ARHGAP29: variants seen among roughly 807,000 people sequenced by gnomAD.
ARHGAP29 encodes the protein rho GTPase-activating protein 29.
ARHGAP29 carries 43 observed loss-of-function variants against 122.6 expected under a neutral mutation model. That is an observed-to-expected ratio of 0.35 (90% CI 0.27 to 0.45). The LOEUF is 0.45. Ranked by LOEUF, ARHGAP29 falls within the 20% of genes least tolerant of loss-of-function variation. The pLI, the probability that ARHGAP29 is intolerant of heterozygous loss-of-function variation, is 1.00. For missense variants in ARHGAP29, 1,303 were observed against 1,477.2 expected (o/e 0.88, Z 1.93); for synonymous variants, 506 against 497.1 (o/e 1.02, Z -0.24).
chr1:94,258,924 C>T (rs1654461164), intron 1 of ARHGAP29, among the ~76,000 whole-genome samples: 1 of 152,220 alleles, frequency 6.6e-6, no homozygotes. Context: ...CTGCTTCCCA[C>T]TGTAGAGAGA....
At chr1:94,255,874 G>A (rs1398377845) in intron 1 of ARHGAP29, among the ~76,000 whole-genome samples, 1 of 152,128 alleles carries the variant, frequency 6.6e-6, no homozygotes, top group Non-Finnish European at 1.5e-5. Context: ...AATTGGTATT[G>A]GTGGTTAGTT....
intron 16 of ARHGAP29, 96 bp downstream of exon 16, chr1:94,186,403 A>C: frequency 1.2e-6 from 1 of 856,644 alleles, no homozygotes; most frequent in Admixed American, 2.7e-5. Flanking sequence ...TACACAAAAA[A>C]GTATTGATTC....
chr1:94,241,667 TTA>T (rs1399262927), upstream of ARHGAP29, among the ~76,000 whole-genome samples: 1 of 143,030 alleles, frequency 7.0e-6, no homozygotes, highest in African/African-American at 2.6e-5. Context: ...ATATATATAA[TTA>T]TATATGATAT....
chr1:94,237,366 G>A, intron 1 of ARHGAP29, 49 bp downstream of exon 1: 3 of 981,746 alleles, frequency 3.1e-6, no homozygotes, highest in Non-Finnish European at 3.6e-6. Context: ...ACCCCAGCCC[G>A]GAGCCACGAC....
chr1:94,173,505 T>C lies in ARHGAP29; in HGVS notation c.*364A>G, dbSNP rs894572694. On this transcript the variant is annotated 3_prime_UTR_variant, in exon 23 of 23. Transcript: ENST00000260526. ...CTTATAACAGTTCCACTCCAAAAAA[T>C]AAACCTGATTTTCCCAAATTGCACC... 5.8e-6 allele frequency: 1 copy of C among 173,482 alleles called. No homozygotes were observed. The highest frequency in any genetic ancestry group is 1.3e-5 in the Non-Finnish European group (1 of 79,942). The allele number at this position is 173,482 out of a possible 1,614,324, so 10.7% of individuals were successfully genotyped here. A position where few individuals can be genotyped will look rare whatever the true frequency, so the allele number is the denominator to read the frequency against.
At chr1:94,228,718 A>G (rs1652759202) in intron 2 of ARHGAP29, among the ~76,000 whole-genome samples, 2 of 151,800 alleles carry the variant, frequency 1.3e-5, no homozygotes, top group African/African-American at 2.4e-5. Context: ...GCCATATACA[A>G]TTATACATCA....
In ARHGAP29 at chr1:94,170,173, C is replaced by T. The variant is rs904813882; in HGVS notation, c.*3696G>A. On this transcript the variant is annotated 3_prime_UTR_variant, in exon 23 of 23. Transcript: ENST00000260526. ...AAATTACTTCCTAATTCTAATTTTA[C>T]AATGGAGAAACCTGGTATATACTAT... 6.6e-6 allele frequency among the ~76,000 whole-genome samples: 1 copy of T among 152,144 alleles called. No individual in the cohort carries two copies. Among genetic ancestry groups the T allele is most frequent in the Non-Finnish European group, 1.5e-5 (1 of 68,038 alleles).
At position 94,204,144 on chromosome 1, in the gene ARHGAP29, C is replaced by A. The variant is rs1006972104; in HGVS notation, c.698-150G>T. On this transcript the variant is annotated intron_variant, in intron 7 of 22. Coordinates refer to ENST00000260526, the MANE Select transcript of ARHGAP29 (RefSeq NM_004815.4). ...ATAATACAGCAATACTTCTTTCTTC[C>A]TTTTTTTTTTTTTTTTAAAAAGAGA... is the stretch of plus-strand genomic sequence containing the variant. 2.9e-5 allele frequency: 11 copies of A among 381,482 alleles called. No individual in the cohort carries two copies. The Admixed American group carries it at 4.2e-4, about 14-fold the overall frequency. The allele number at this position is 381,482 out of a possible 1,614,324, so 23.6% of individuals were successfully genotyped here. A position where few individuals can be genotyped will look rare whatever the true frequency, so the allele number is the denominator to read the frequency against.
chr1:94,226,603 A>G (rs1160377906), intron 2 of ARHGAP29, among the ~76,000 whole-genome samples: 1 of 151,932 alleles, frequency 6.6e-6, no homozygotes, highest in Non-Finnish European at 1.5e-5. Context: ...AACAGGCTTT[A>G]ATTTCCAATG....
At chr1:94,293,722 G>T in the ARHGAP29 span, among the ~76,000 whole-genome samples, 8 of 152,270 alleles carry the variant, frequency 5.3e-5, no homozygotes, top group African/African-American at 1.9e-4. Context: ...TAGCGGGGGA[G>T]GTGTGCAGGA....
chr1:94,234,234 T>C (rs1159264751), intron 1 of ARHGAP29, among the ~76,000 whole-genome samples: 1 of 152,256 alleles, frequency 6.6e-6, no homozygotes, highest in Non-Finnish European at 1.5e-5. Context: ...TCTCTGATCA[T>C]AGCACAATGC....
At chr1:94,209,001 A>C in intron 4 of ARHGAP29, 97 bp from the exon 5 acceptor site, 1 of 1,186,012 alleles carries the variant, frequency 8.4e-7, no homozygotes, top group Non-Finnish European at 1.2e-6. Context: ...TTTTAAAAAT[A>C]AGAACCTTAG....
intron 3 of ARHGAP29, among the ~76,000 whole-genome samples, chr1:94,212,364 C>T (rs1289818018): frequency 6.6e-6 from 1 of 152,154 alleles, no homozygotes; most frequent in African/African-American, 2.4e-5. Flanking sequence ...GACAATTTCA[C>T]AGGAGTATGA....
chr1:94,200,866 G>C (rs1197076100), intron 12 of ARHGAP29, among the ~76,000 whole-genome samples: 2 of 152,194 alleles, frequency 1.3e-5, no homozygotes, highest in African/African-American at 4.8e-5. Context: ...GTACTTGCCA[G>C]GGGTTAGGAG....
intron 1 of ARHGAP29, among the ~76,000 whole-genome samples, chr1:94,237,111 C>T (rs1653324918): frequency 6.6e-6 from 1 of 152,252 alleles, no homozygotes; most frequent in Non-Finnish European, 1.5e-5. Flanking sequence ...ACCCGTTGTA[C>T]GCGCTGTGTG....
intron 2 of ARHGAP29, among the ~76,000 whole-genome samples, chr1:94,220,813 T>A (rs1652248134): frequency 6.6e-6 from 1 of 152,152 alleles, no homozygotes; most frequent in Admixed American, 6.6e-5. Context: ...TATGATATAA[T>A]TTACCTATGA....
intron 1 of ARHGAP29, among the ~76,000 whole-genome samples, chr1:94,263,818 C>A (rs1654652905): frequency 6.6e-6 from 1 of 152,108 alleles, no homozygotes; most frequent in Non-Finnish European, 1.5e-5. Flanking sequence ...TTTCACTTAG[C>A]TTTTTATAAT....
the ARHGAP29 span, among the ~76,000 whole-genome samples, chr1:94,296,730 A>C: frequency 6.6e-6 from 1 of 152,176 alleles, no homozygotes; most frequent in East Asian, 1.9e-4. Flanking sequence ...GAAGGATGCA[A>C]AGTTGCTCTG....
Position 94,173,714 on chromosome 1 carries a change from A to G in ARHGAP29, c.*155T>C. On this transcript the variant is annotated 3_prime_UTR_variant, in exon 23 of 23. Coordinates refer to ENST00000260526, the MANE Select transcript of ARHGAP29 (RefSeq NM_004815.4). ...CTATCAAAACATTCTACCATTCAGT[A>G]TTACCAACAGAGGATAAATACAACA... is the stretch of plus-strand genomic sequence containing the variant. The G allele has an allele frequency of 1.2e-6, 1 of 837,526 alleles. No homozygotes were observed. The highest frequency in any genetic ancestry group is 1.8e-6 in the Non-Finnish European group (1 of 543,972). The allele number at this position is 837,526 out of a possible 1,614,324, so 51.9% of individuals were successfully genotyped here. A position where few individuals can be genotyped will look rare whatever the true frequency, so the allele number is the denominator to read the frequency against.
Sources: allele counts gnomAD v4.1 joint callset (sites outside exome capture counted in the v4.1 genomes callset), GRCh38; gene constraint gnomAD v4.1.1; transcripts MANE v1.5; gene names NCBI Gene and HGNC (gene_info 2026-07-23, HGNC 2026-07-21).